Variants in FOCAD observed in about 807,000 individuals in gnomAD.
The protein encoded by FOCAD is focadhesin.
FOCAD carries 198 observed loss-of-function variants against 225.6 expected under a neutral mutation model. That is an observed-to-expected ratio of 0.88 (90% CI 0.78 to 0.99). FOCAD has a LOEUF of 0.99. Among genes scored for constraint, FOCAD ranks in the 50% least tolerant of loss-of-function variants. The pLI is 0.00. For missense variants in FOCAD, 2,713 were observed against 2,123.6 expected (o/e 1.28, Z -5.46); for synonymous variants, 897 against 755.0 (o/e 1.19, Z -3.08).
At chr9:20,877,937 C>A (rs529581318) in intron 19 of FOCAD, among the ~76,000 whole-genome samples, 12 of 152,002 alleles carry the variant, frequency 7.9e-5, no homozygotes, top group Admixed American at 6.6e-4. Context: ...AAAACCCCAA[C>A]GGGTTACCAC....
intron 15 of FOCAD, among the ~76,000 whole-genome samples, chr9:20,847,921 A>G (rs1827278118): frequency 1.3e-5 from 2 of 152,108 alleles, no homozygotes; most frequent in East Asian, 3.9e-4. Context: ...AATTATAGAA[A>G]AATGATTAAG....
rs1459827284 is a variant in FOCAD at position 20,758,321 on chromosome 9, GA to G, written c.494+132del. ...TTGATCTATAATGTTTTCTCCTGAA[GA>G]ACCATCCTAGAGCAGGTTGTAGTTT... is the stretch of plus-strand genomic sequence containing the variant. On this transcript the variant is annotated intron_variant, in intron 6 of 43. Coordinates refer to ENST00000338382, the MANE Select transcript of FOCAD (RefSeq NM_001375567.1). 5.7e-6 allele frequency: 3 copies of G among 524,530 alleles called. No homozygotes were observed. The African/African-American group carries it at 5.9e-5, about 10-fold the overall frequency. The allele number at this position is 524,530 out of a possible 1,614,324, so 32.5% of individuals were successfully genotyped here.
chr9:20,865,846 ATT>A, intron 16 of FOCAD, 78 bp from the exon 17 acceptor site: 1 of 969,562 alleles, frequency 1.0e-6, no homozygotes, highest in Non-Finnish European at 1.6e-6. Flanking sequence ...CTTAATTTTC[ATT>A]ATTTGCTACT....
intron 2 of FOCAD, among the ~76,000 whole-genome samples, chr9:20,675,887 C>T (rs1347194790): frequency 6.6e-6 from 1 of 152,162 alleles, no homozygotes; most frequent in Non-Finnish European, 1.5e-5. Flanking sequence ...CAATAGTGCT[C>T]AGTTGCTTAT....
intron 21 of FOCAD, among the ~76,000 whole-genome samples, chr9:20,901,851 A>C (rs980305448): frequency 2.6e-4 from 36 of 137,594 alleles, no homozygotes; most frequent in African/African-American, 9.3e-4. Flanking sequence ...GTCATTCAAT[A>C]TGTTTTTATC....
rs1354393881 is a variant in FOCAD, at chr9:20,942,219, A to G, written c.3408-2408A>G. ...ATTATAACGTTGCTCAGGTTATAGT[A>G]ATAATTGCTATGATAAATTTTAGGT... On this transcript the variant is annotated intron_variant, in intron 28 of 43. Transcript: ENST00000338382. Among the ~76,000 whole-genome samples, 3 of 152,196 alleles carry G rather than the reference A, an allele frequency of 2.0e-5. No homozygotes were observed. In the East Asian group the frequency reaches 5.8e-4, roughly 29 times the overall value.
intron 6 of FOCAD, among the ~76,000 whole-genome samples, chr9:20,760,619 T>A (rs913710267): frequency 6.7e-6 from 1 of 150,308 alleles, no homozygotes; most frequent in Non-Finnish European, 1.5e-5. Flanking sequence ...TGTTTAGGCA[T>A]TTTTTTTGCC....
chr9:20,932,750 A>G (rs1835598243), intron 27 of FOCAD, among the ~76,000 whole-genome samples: 1 of 152,224 alleles, frequency 6.6e-6, no homozygotes, highest in Non-Finnish European at 1.5e-5. Context: ...TGAACAGGCT[A>G]AGAAAAATCA....
intron 20 of FOCAD, 123 bp from the exon 21 acceptor site, chr9:20,884,986 G>T: frequency 2.7e-6 from 1 of 367,852 alleles, no homozygotes; most frequent in South Asian, 1.0e-4. Flanking sequence ...TTGAACCCAG[G>T]CGGCGGAGGT....
rs140472151 is a variant in FOCAD, at chr9:20,797,102, G to C, written c.1455+7494G>C. ...TTAACCCATTTCTTGTTTTTTGTGA[G>C]GTCTGTCAAAGACCAGATAGTTGTA... On this transcript the variant is annotated intron_variant, in intron 11 of 43. Coordinates refer to ENST00000338382, the MANE Select transcript of FOCAD (RefSeq NM_001375567.1). Among the ~76,000 whole-genome samples, 97 of 152,214 alleles carry C rather than the reference G, an allele frequency of 6.4e-4. No homozygotes were observed. In the East Asian group the frequency reaches 0.018, roughly 29 times the overall value.
chr9:20,849,913 T>C (rs1487970133), intron 15 of FOCAD, among the ~76,000 whole-genome samples: 3 of 151,904 alleles, frequency 2.0e-5, no homozygotes, highest in African/African-American at 7.2e-5. Flanking sequence ...TTTCAGGGCA[T>C]TGAACAAAGA....
chr9:20,676,393 C>T (rs1822236796), intron 2 of FOCAD, among the ~76,000 whole-genome samples: 1 of 152,178 alleles, frequency 6.6e-6, no homozygotes, highest in African/African-American at 2.4e-5. Context: ...TGAGAAGAAC[C>T]TCCCTCAATT....
intron 19 of FOCAD, among the ~76,000 whole-genome samples, chr9:20,880,498 G>C (rs1186723368): frequency 6.6e-6 from 1 of 152,182 alleles, no homozygotes; most frequent in African/African-American, 2.4e-5. Flanking sequence ...GAAGCCAGAG[G>C]ACATGGGAGC....
chr9:20,926,480 G>T, intron 26 of FOCAD, 63 bp downstream of exon 26: 1 of 1,090,180 alleles, frequency 9.2e-7, no homozygotes, highest in East Asian at 2.4e-5. Flanking sequence ...ACATCAGTTG[G>T]TCACATGAAA....
intron 29 of FOCAD, among the ~76,000 whole-genome samples, chr9:20,945,868 A>G (rs1009653217): frequency 6.6e-6 from 1 of 151,998 alleles, no homozygotes; most frequent in African/African-American, 2.4e-5. Context: ...TGAATTTTCT[A>G]CTTTGTCTTA....
intron 5 of FOCAD, among the ~76,000 whole-genome samples, chr9:20,750,775 G>C (rs1828468127): frequency 6.6e-6 from 1 of 152,102 alleles, no homozygotes. Flanking sequence ...GCTAAAAATA[G>C]AAGTCCTTTT....
At chr9:20,671,843 C>T (rs1319668308) in intron 2 of FOCAD, among the ~76,000 whole-genome samples, 3 of 152,202 alleles carry the variant, frequency 2.0e-5, no homozygotes, top group Non-Finnish European at 4.4e-5. Flanking sequence ...CTATGGAGTG[C>T]TGCCGCTGGC....
At chr9:20,820,821 C>A in intron 13 of FOCAD, 120 bp from the exon 14 acceptor site, 2 of 1,086,908 alleles carry the variant, frequency 1.8e-6, no homozygotes, top group African/African-American at 1.6e-5. Context: ...ATTAGAAGAA[C>A]GACAGTATAA....
At chr9:20,736,082 T>G (rs573901737) in intron 4 of FOCAD, among the ~76,000 whole-genome samples, 1 of 152,316 alleles carries the variant, frequency 6.6e-6, no homozygotes, top group African/African-American at 2.4e-5. Flanking sequence ...TTATAAGCCT[T>G]TCTCTTATAA....
Sources: allele counts gnomAD v4.1 joint callset (sites outside exome capture counted in the v4.1 genomes callset), GRCh38; gene constraint gnomAD v4.1.1; transcripts MANE v1.5; gene names NCBI Gene and HGNC (gene_info 2026-07-23, HGNC 2026-07-21).